The following ST6GALNAC3 variants were observed in gnomAD, a reference collection of about 807,000 sequenced individuals.
The protein encoded by ST6GALNAC3 is alpha-N-acetylgalactosaminide alpha-2,6-sialyltransferase 3.
A neutral mutation model predicts 32.7 loss-of-function variants in ST6GALNAC3; 25 were observed. The ratio of observed to expected loss-of-function variants is 0.76; its 90% CI spans 0.56 to 1.07. The LOEUF (loss-of-function observed/expected upper bound fraction) is 1.07, where lower values mean the gene tolerates loss of function less well. Among genes scored for constraint, ST6GALNAC3 ranks in the 50% least tolerant of loss-of-function variants. The pLI is 0.00. For missense variants in ST6GALNAC3, 355 were observed against 382.4 expected (o/e 0.93, Z 0.60); for synonymous variants, 129 against 133.1 (o/e 0.97, Z 0.21).
chr1:76,532,747 A>G (rs2101825406), intron 3 of ST6GALNAC3, among the ~76,000 whole-genome samples: 1 of 152,298 alleles, frequency 6.6e-6, no homozygotes, highest in East Asian at 1.9e-4. Context: ...AGTTATAAGT[A>G]TCTCCATCTG....
At chr1:76,312,524 G>C (rs376622160) in intron 1 of ST6GALNAC3, among the ~76,000 whole-genome samples, 1 of 151,434 alleles carries the variant, frequency 6.6e-6, no homozygotes, top group East Asian at 1.9e-4. Context: ...CAATCTATCC[G>C]TTTGACAAAG....
intron 1 of ST6GALNAC3, among the ~76,000 whole-genome samples, chr1:76,205,870 T>A (rs555405882): frequency 8.7e-4 from 132 of 152,266 alleles, no homozygotes; most frequent in African/African-American, 3.1e-3. Context: ...CCCCAAACAG[T>A]GAATGTCAGT....
chr1:76,104,883 T>C (rs1278494749), intron 1 of ST6GALNAC3, among the ~76,000 whole-genome samples: 1 of 152,100 alleles, frequency 6.6e-6, no homozygotes, highest in African/African-American at 2.4e-5. Flanking sequence ...AGTCCCCTTT[T>C]TAAAACCATC....
intron 3 of ST6GALNAC3, among the ~76,000 whole-genome samples, chr1:76,413,455 A>G (rs967395041): frequency 6.6e-6 from 1 of 152,150 alleles, no homozygotes; most frequent in Non-Finnish European, 1.5e-5. Context: ...ACTATTCAAT[A>G]TTATCAAATC....
At position 76,562,741 on chromosome 1, in the gene ST6GALNAC3, G is replaced by A. The variant is rs138355988; in HGVS notation, c.624-64711G>A. Among the ~76,000 whole-genome samples, 350 of 152,216 alleles carry A rather than the reference G, an allele frequency of 2.3e-3. 1 individual carries two copies. Among genetic ancestry groups the A allele is most frequent in the South Asian group, 4.2e-3 (20 of 4,818 alleles). On this transcript the variant is annotated intron_variant, in intron 3 of 4. Transcript: ENST00000328299. ...TATTACTATGATAATGTTTGAAAAC[G>A]TTTGTTTAATAGATGATCCAGATCT...
intron 2 of ST6GALNAC3, among the ~76,000 whole-genome samples, chr1:76,329,449 A>T (rs961486354): frequency 6.6e-5 from 10 of 152,180 alleles, no homozygotes; most frequent in East Asian, 1.9e-4. Context: ...CTAGAAAAAG[A>T]TGTTTGAAAA....
At chr1:76,329,427 G>A (rs1273491781) in intron 2 of ST6GALNAC3, among the ~76,000 whole-genome samples, 1 of 152,190 alleles carries the variant, frequency 6.6e-6, no homozygotes, top group African/African-American at 2.4e-5. Flanking sequence ...CAAAGCTTAT[G>A]TGGTATAACT....
chr1:76,207,028 T>G lies in ST6GALNAC3; in HGVS notation c.19-106777T>G, dbSNP rs150072714. On this transcript the variant is annotated intron_variant, in intron 1 of 4. Transcript: ENST00000328299. ...AATTCCCAAAGAAGGAAGTCTCAGC[T>G]GGCCTCCTTCCACATATTAAGAGAG... is the stretch of plus-strand genomic sequence containing the variant. 2.6e-5 allele frequency among the ~76,000 whole-genome samples: 4 copies of G among 152,348 alleles called. No homozygotes were observed. The East Asian group carries it at 7.7e-4, about 29-fold the overall frequency.
intron 2 of ST6GALNAC3, among the ~76,000 whole-genome samples, chr1:76,390,669 C>T (rs920573301): frequency 6.6e-6 from 1 of 152,154 alleles, no homozygotes; most frequent in East Asian, 1.9e-4. Context: ...GCTTGCCAGC[C>T]CCAAACCATT....
chr1:76,209,789 A>G (rs1220815368), intron 1 of ST6GALNAC3, among the ~76,000 whole-genome samples: 1 of 152,192 alleles, frequency 6.6e-6, no homozygotes, highest in South Asian at 2.1e-4. Flanking sequence ...ACTTGGAGCT[A>G]CAGGTCTGAT....
chr1:76,323,210 A>G (rs764908972), intron 2 of ST6GALNAC3, among the ~76,000 whole-genome samples: 45 of 152,202 alleles, frequency 3.0e-4, no homozygotes, highest in Non-Finnish European at 6.3e-4. Flanking sequence ...TTAAGAATGA[A>G]TAAAATACAT....
Position 76,494,472 on chromosome 1 carries a change from C to T in ST6GALNAC3, c.623+82055C>T, listed in dbSNP as rs1463253922. On this transcript the variant is annotated intron_variant, in intron 3 of 4. Coordinates refer to ENST00000328299, the MANE Select transcript of ST6GALNAC3 (RefSeq NM_152996.4). Reference sequence around the variant, plus strand: ...ATATATATATATATATATATATACACACACACACACACACTTTCCCTACTT... The same window carrying T: ...ATATATATATATATATATATATACATACACACACACACACTTTCCCTACTT... Among the ~76,000 whole-genome samples, 447 of 114,866 alleles carry T rather than the reference C, an allele frequency of 3.9e-3. 9 individuals carry two copies. Among genetic ancestry groups the T allele is most frequent in the Non-Finnish European group, 5.4e-3 (283 of 52,284 alleles). 75.4% of individuals were successfully genotyped at this position (114,866 alleles called of 152,430 possible).
intron 1 of ST6GALNAC3, among the ~76,000 whole-genome samples, chr1:76,306,328 G>A (rs979469618): frequency 6.6e-6 from 1 of 152,004 alleles, no homozygotes; most frequent in African/African-American, 2.4e-5. Flanking sequence ...GAACCAACCT[G>A]ATGGAATGGG....
chr1:76,545,657 CTTTT>C (rs35495132), intron 3 of ST6GALNAC3, among the ~76,000 whole-genome samples: 1 of 134,554 alleles, frequency 7.4e-6, no homozygotes, highest in Non-Finnish European at 1.6e-5. Flanking sequence ...GATGAAGAAA[CTTTT>C]TTTTTTTTTT....
At chr1:76,367,077 T>C (rs1650429845) in intron 2 of ST6GALNAC3, among the ~76,000 whole-genome samples, 1 of 152,138 alleles carries the variant, frequency 6.6e-6, no homozygotes, top group South Asian at 2.1e-4. Context: ...GAGAACATTA[T>C]CTGAGCAATA....
At chr1:76,203,772 A>G (rs539977112) in intron 1 of ST6GALNAC3, among the ~76,000 whole-genome samples, 1 of 152,308 alleles carries the variant, frequency 6.6e-6, no homozygotes, top group East Asian at 1.9e-4. Flanking sequence ...AGGTATACAT[A>G]TTTTCAGGGT....
intron 1 of ST6GALNAC3, among the ~76,000 whole-genome samples, chr1:76,103,076 G>A (rs1647295916): frequency 7.1e-6 from 1 of 140,192 alleles, no homozygotes; most frequent in Non-Finnish European, 1.6e-5. Flanking sequence ...TCCAATTTTT[G>A]TTTCTTTTTC....
intron 1 of ST6GALNAC3, among the ~76,000 whole-genome samples, chr1:76,195,457 AAT>A (rs1253201189): frequency 6.6e-6 from 1 of 152,224 alleles, no homozygotes; most frequent in Non-Finnish European, 1.5e-5. Context: ...TAATAAAATT[AAT>A]AATTCTTACT....
chr1:76,231,996 G>C (rs1656385364), intron 1 of ST6GALNAC3, among the ~76,000 whole-genome samples: 1 of 152,132 alleles, frequency 6.6e-6, no homozygotes, highest in South Asian at 2.1e-4. Flanking sequence ...AAGGCTTCGA[G>C]GTAGTTTCTA....
Sources: allele counts gnomAD v4.1 joint callset (sites outside exome capture counted in the v4.1 genomes callset), GRCh38; gene constraint gnomAD v4.1.1; transcripts MANE v1.5; gene names NCBI Gene and HGNC (gene_info 2026-07-23, HGNC 2026-07-21).